The following INO80D variants were observed in gnomAD, a reference collection of about 807,000 sequenced individuals.
INO80D encodes the protein INO80 complex subunit D.
In INO80D, 21 loss-of-function variants were observed where a neutral mutation model predicts 87.6. The observed-to-expected ratio is 0.24, with a 90% confidence interval of 0.17 to 0.35. INO80D has a LOEUF of 0.35. Ranked by LOEUF, INO80D falls within the 10% of genes least tolerant of loss-of-function variation. The probability of loss-of-function intolerance (pLI) is 1.00; values close to 1 mark genes in which losing one functional copy is unlikely to be tolerated. For missense variants in INO80D, 982 were observed against 1,280.7 expected, an observed-to-expected ratio of 0.77 and a Z score of 3.56; for synonymous variants, 440 against 491.0, an observed-to-expected ratio of 0.90 and a Z score of 1.37.
Position 206,056,728 on chromosome 2 carries a change from G to T in INO80D, c.434C>A (p.Thr145Asn), listed in dbSNP as rs778476504. ...GAAAGCAAATGGGTCTTCCAATTCG[G>T]TTTCCAGGTAGTGGAGAGGGACCCT... ...GARVPLHYLE[T>N]ELEDPFAFNE... Residue 145 changes from threonine (T) to asparagine (N), a missense_variant, in exon 4 of 11, where the codon ACC becomes AAC. Transcript: ENST00000403263. The T allele has an allele frequency of 6.2e-7, 1 of 1,613,446 alleles. No individual in the cohort carries two copies. The highest frequency in any genetic ancestry group is 2.2e-5 in the East Asian group (1 of 44,856).
chr2:206,009,876 T>C, intron 8 of INO80D, 82 bp from the exon 9 acceptor site: 1 of 1,098,990 alleles, frequency 9.1e-7, no homozygotes, highest in Non-Finnish European at 1.3e-6. Context: ...TTACATCCCT[T>C]AATATTCTAT....
intron 4 of INO80D, among the ~76,000 whole-genome samples, chr2:206,048,823 C>A (rs1365786263): frequency 6.6e-6 from 1 of 152,120 alleles, no homozygotes; most frequent in Non-Finnish European, 1.5e-5. Context: ...GACCCTTGAG[C>A]CCAGGAGGTT....
intron 8 of INO80D, among the ~76,000 whole-genome samples, chr2:206,015,177 T>C (rs567819717): frequency 6.6e-6 from 1 of 152,278 alleles, no homozygotes; most frequent in African/African-American, 2.4e-5. Flanking sequence ...AGCCTGACAA[T>C]GCAGTAGAAA....
intron 5 of INO80D, among the ~76,000 whole-genome samples, chr2:206,035,401 C>A (rs1688867626): frequency 6.6e-6 from 1 of 152,044 alleles, no homozygotes; most frequent in African/African-American, 2.4e-5. Context: ...GGCACACAGA[C>A]CAACGGGACA....
intron 8 of INO80D, among the ~76,000 whole-genome samples, chr2:206,014,977 T>C (rs1393540357): frequency 6.6e-6 from 1 of 152,226 alleles, no homozygotes; most frequent in Non-Finnish European, 1.5e-5. Context: ...TTGTTATGTT[T>C]TAGCAAAGAG....
chr2:206,029,143 C>T (rs1036808972), intron 5 of INO80D, among the ~76,000 whole-genome samples: 1 of 152,096 alleles, frequency 6.6e-6, no homozygotes, highest in African/African-American at 2.4e-5. Flanking sequence ...CTGTCTCGGC[C>T]TCCCAAAGTG....
intron 3 of INO80D, among the ~76,000 whole-genome samples, chr2:206,061,417 G>A (rs2105889094): frequency 6.6e-6 from 1 of 152,246 alleles, no homozygotes; most frequent in South Asian, 2.1e-4. Flanking sequence ...TTAGAAATGT[G>A]TTTACGATGG....
In INO80D at chr2:206,081,857, A is replaced by ATC. The variant is rs566040130; in HGVS notation, c.-124+4042_-124+4043dup. On this transcript the variant is annotated intron_variant, in intron 1 of 10. Transcript: ENST00000403263. The stretch of plus-strand genomic sequence containing the variant: ...ACTATTATGGGCCAAACACATGGCT[A>ATC]TCTCATCTAACCCTTATATCAAAGA... 2.0e-5 allele frequency among the ~76,000 whole-genome samples: 3 copies of ATC among 152,260 alleles called. No homozygotes were observed. The South Asian group carries it at 6.2e-4, about 32-fold the overall frequency.
intron 4 of INO80D, among the ~76,000 whole-genome samples, chr2:206,047,416 G>A (rs572623975): frequency 6.0e-5 from 9 of 150,826 alleles, no homozygotes; most frequent in East Asian, 2.0e-4. Flanking sequence ...ATGGGGTTTC[G>A]CCATGTTGGC....
chr2:206,077,940 C>G (rs1188876799), intron 1 of INO80D, among the ~76,000 whole-genome samples: 1 of 151,572 alleles, frequency 6.6e-6, no homozygotes, highest in African/African-American at 2.4e-5. Context: ...CTCCAAGGTT[C>G]GTTTAATCTT....
At chr2:206,030,366 G>A (rs1372546002) in intron 5 of INO80D, among the ~76,000 whole-genome samples, 1 of 152,116 alleles carries the variant, frequency 6.6e-6, no homozygotes, top group Non-Finnish European at 1.5e-5. Flanking sequence ...AGGAGACTGA[G>A]GCAGGAGAAT....
Position 206,004,461 on chromosome 2 carries a change from G to A in INO80D, c.2991C>T (p.His997=), listed in dbSNP as rs1265449032. Residue 997 remains histidine, a synonymous_variant, in exon 11 of 11, where the codon CAC becomes CAT. Transcript: ENST00000403263. The surrounding 1 kb of genome is among the most constrained non-coding windows in gnomAD (Gnocchi z 4.9). ...SGIPKDLQPS[H]SSIAPPTGFT... ...AGCCTGTAGGAGGGGCTATAGAGCTGTGGCTGGGCTGCAGGTCCTTAGGAA... is the reference window on the plus strand; with the variant it reads ...AGCCTGTAGGAGGGGCTATAGAGCTATGGCTGGGCTGCAGGTCCTTAGGAA... 3 of 1,606,748 alleles carry A rather than the reference G, an allele frequency of 1.9e-6. No homozygotes were observed. The highest frequency in any genetic ancestry group is 2.2e-5 in the East Asian group (1 of 44,648).
chr2:206,007,230 T>C, intron 10 of INO80D, 54 bp downstream of exon 10: 1 of 1,494,084 alleles, frequency 6.7e-7, no homozygotes, highest in Non-Finnish European at 9.2e-7. Flanking sequence ...CTATTTCTTT[T>C]CTTATAAACT....
At chr2:206,047,669 A>T (rs1689233687) in intron 4 of INO80D, among the ~76,000 whole-genome samples, 1 of 152,166 alleles carries the variant, frequency 6.6e-6, no homozygotes, top group South Asian at 2.1e-4. Flanking sequence ...CAACAAAAAA[A>T]AAAAATCAAA....
Position 206,004,424 on chromosome 2 carries a change from C to G in INO80D, c.3028G>C (p.Gly1010Arg). 6.2e-7 allele frequency: 1 copy of G among 1,604,278 alleles called. No homozygotes were observed. Among genetic ancestry groups the G allele is most frequent in the Non-Finnish European group, 8.5e-7 (1 of 1,175,476 alleles). ...TTATTGGTACTTGTAGCTGTGGCACCTGTTACTGTGAAGCCTGTAGGAGGG... is the reference window on the plus strand; with the variant it reads ...TTATTGGTACTTGTAGCTGTGGCACGTGTTACTGTGAAGCCTGTAGGAGGG... The part of the protein sequence containing the change: ...IAPPTGFTVT[G>R]ATATSTNNAS... The change falls in exon 11 of 11, where the codon GGT becomes CGT. Residue 1010 changes from glycine (G) to arginine (R), a missense_variant. By Grantham distance (125) the Gly-to-Arg change is moderately radical (BLOSUM62 -2). Transcript: ENST00000403263. The surrounding 1 kb of genome is among the most constrained non-coding windows in gnomAD (Gnocchi z 4.9).
chr2:206,028,012 C>T, intron 6 of INO80D, 99 bp downstream of exon 6: 1 of 785,856 alleles, frequency 1.3e-6, no homozygotes, highest in Non-Finnish European at 2.0e-6. Context: ...ACGTTTAGGA[C>T]TTAGTGGTCA....
intron 5 of INO80D, among the ~76,000 whole-genome samples, chr2:206,035,732 G>A (rs952627179): frequency 2.0e-5 from 3 of 152,056 alleles, no homozygotes; most frequent in Non-Finnish European, 2.9e-5. Flanking sequence ...TAGCTGGGAC[G>A]TAATTAAACT....
intron 1 of INO80D, among the ~76,000 whole-genome samples, chr2:206,075,245 A>C (rs376125179): frequency 3.3e-5 from 5 of 152,164 alleles, no homozygotes; most frequent in Admixed American, 1.3e-4. Context: ...ATTTGACAAA[A>C]ATATGAACAT....
chr2:205,999,096 G>C lies in INO80D; in HGVS notation c.*5272C>G, dbSNP rs969384111. ...AATGGTGTGGCATTTAGCTGCACTGGAGCCTTCTGCACTGCGTGTTGAAAA... is the reference window on the plus strand; with the variant it reads ...AATGGTGTGGCATTTAGCTGCACTGCAGCCTTCTGCACTGCGTGTTGAAAA... On this transcript the variant is annotated 3_prime_UTR_variant, in exon 11 of 11. Transcript: ENST00000403263. 3 of 152,204 alleles carry C rather than the reference G, an allele frequency of 2.0e-5. No individual in the cohort carries two copies. The highest frequency in any genetic ancestry group is 2.9e-5 in the Non-Finnish European group (2 of 68,072). 9.4% of individuals were successfully genotyped at this position (152,204 alleles called of 1,614,324 possible). A position where few individuals can be genotyped will look rare whatever the true frequency, so the allele number is the denominator to read the frequency against.
Sources: gnomAD v4.1 joint callset for allele counts (sites outside exome capture counted in the v4.1 genomes callset) on GRCh38, gnomAD v4.1.1 for gene constraint, Gnocchi (gnomAD v3.1) non-coding constraint, MANE v1.5 for transcripts, NCBI Gene and HGNC (gene_info 2026-07-23, HGNC 2026-07-21) for gene names.